The following KCNT2 variants were observed in gnomAD, a reference collection of about 807,000 sequenced individuals.
The protein encoded by KCNT2 is potassium channel subfamily T member 2.
In KCNT2, 67 loss-of-function variants were observed where a neutral mutation model predicts 153.8. The ratio of observed to expected loss-of-function variants is 0.44; its 90% CI spans 0.36 to 0.53. The LOEUF (loss-of-function observed/expected upper bound fraction) is 0.53. Among genes scored for constraint, KCNT2 ranks in the 20% least tolerant of loss-of-function variants. KCNT2 has a pLI of 0.00. For missense variants in KCNT2, 975 were observed against 1,354.8 expected (o/e 0.72, Z 4.40); for synonymous variants, 500 against 458.8 (o/e 1.09, Z -1.15).
At chr1:196,607,222 A>G (rs1392310071) in intron 1 of KCNT2, among the ~76,000 whole-genome samples, 1 of 152,214 alleles carries the variant, frequency 6.6e-6, no homozygotes, top group Non-Finnish European at 1.5e-5. Flanking sequence ...TTATATAACT[A>G]AAATAGCACA....
intron 14 of KCNT2, among the ~76,000 whole-genome samples, chr1:196,349,918 T>C (rs1666498743): frequency 6.6e-6 from 1 of 151,972 alleles, no homozygotes; most frequent in African/African-American, 2.4e-5. Context: ...CCATGTGTTC[T>C]CATTGTTAAA....
At chr1:196,282,905 C>T (rs1346871870) in intron 23 of KCNT2, among the ~76,000 whole-genome samples, 1 of 152,132 alleles carries the variant, frequency 6.6e-6, no homozygotes, top group Non-Finnish European at 1.5e-5. Context: ...AGTGCAGTGG[C>T]ATGATAGCGG....
chr1:196,326,552 G>T (rs1663878307), intron 19 of KCNT2, among the ~76,000 whole-genome samples, 165 bp downstream of exon 19: 1 of 151,954 alleles, frequency 6.6e-6, no homozygotes, highest in Admixed American at 6.6e-5. Flanking sequence ...CATATTCAAT[G>T]ATATATTTTG....
chr1:196,558,531 A>G lies in KCNT2; in HGVS notation c.95+49684T>C, dbSNP rs959695394. Among the ~76,000 whole-genome samples, 8 of 151,532 alleles carry G rather than the reference A, an allele frequency of 5.3e-5. No homozygotes were observed. The East Asian group carries it at 1.6e-3, about 30-fold the overall frequency. On this transcript the variant is annotated intron_variant, in intron 1 of 27. Transcript: ENST00000294725. ...TCACAACCAGTGCAACAAGGCAATT[A>G]TTATGTAATTTACAAGAATGTCTAG...
chr1:196,432,300 G>A (rs148507665), intron 8 of KCNT2, among the ~76,000 whole-genome samples: 81 of 152,108 alleles, frequency 5.3e-4, no homozygotes, highest in Non-Finnish European at 1.0e-3. Flanking sequence ...AACTACCACC[G>A]GGGTATGGCA....
intron 12 of KCNT2, among the ~76,000 whole-genome samples, chr1:196,406,142 C>G (rs905647641): frequency 2.0e-5 from 3 of 151,330 alleles, no homozygotes; most frequent in Non-Finnish European, 3.0e-5. Context: ...AATATGTAGA[C>G]TGTTAAAAAG....
chr1:196,563,151 T>G (rs1245281085), intron 1 of KCNT2, among the ~76,000 whole-genome samples: 1 of 152,042 alleles, frequency 6.6e-6, no homozygotes, highest in African/African-American at 2.4e-5. Context: ...CCTTGCCAGT[T>G]GCCAGGAGAG....
intron 25 of KCNT2, among the ~76,000 whole-genome samples, chr1:196,270,731 G>GTGTGTA (rs1393098787): frequency 6.6e-6 from 1 of 151,998 alleles, no homozygotes; most frequent in Non-Finnish European, 1.5e-5. Context: ...ATATGAGTGT[G>GTGTGTA]TGTGTATGTG....
At chr1:196,545,575 A>G (rs1471071848) in intron 1 of KCNT2, among the ~76,000 whole-genome samples, 2 of 152,010 alleles carry the variant, frequency 1.3e-5, no homozygotes, top group African/African-American at 2.4e-5. Context: ...TATATAGCAT[A>G]CAATTTACCT....
At chr1:196,293,882 C>CA in intron 22 of KCNT2, among the ~76,000 whole-genome samples, 1 of 129,850 alleles carries the variant, frequency 7.7e-6, no homozygotes, top group South Asian at 2.3e-4. Flanking sequence ...AACAAAAAAA[C>CA]AAAAAACAAA....
At chr1:196,487,474 G>T (rs545193838) in intron 3 of KCNT2, among the ~76,000 whole-genome samples, 2 of 151,266 alleles carry the variant, frequency 1.3e-5, no homozygotes, top group Non-Finnish European at 3.0e-5. Context: ...GTTTGTGTAT[G>T]TGAATCATTA....
At chr1:196,478,358 T>C (rs551006924) in intron 5 of KCNT2, among the ~76,000 whole-genome samples, 1 of 152,342 alleles carries the variant, frequency 6.6e-6, no homozygotes, top group East Asian at 1.9e-4. Flanking sequence ...AAACTGAATT[T>C]CAATTACAGA....
intron 1 of KCNT2, among the ~76,000 whole-genome samples, chr1:196,590,848 G>A (rs544820591): frequency 9.9e-5 from 15 of 152,200 alleles, no homozygotes; most frequent in East Asian, 3.9e-4. Context: ...ATCTCAGGCC[G>A]AGTGCAGTGG....
intron 20 of KCNT2, chr1:196,317,350 C>T: frequency 5.3e-6 from 2 of 378,794 alleles, no homozygotes; most frequent in Non-Finnish European, 1.1e-5. Context: ...ACTATGATGA[C>T]CTTCAAGTTT....
At chr1:196,448,707 T>C (rs1395654851) in intron 8 of KCNT2, among the ~76,000 whole-genome samples, 1 of 151,744 alleles carries the variant, frequency 6.6e-6, no homozygotes, top group Admixed American at 6.6e-5. Flanking sequence ...CTTTCTCCGT[T>C]TGACAAATGA....
intron 14 of KCNT2, among the ~76,000 whole-genome samples, chr1:196,357,005 T>G (rs1408515333): frequency 6.6e-6 from 1 of 151,968 alleles, no homozygotes; most frequent in Non-Finnish European, 1.5e-5. Context: ...TATGTTTCAC[T>G]AACTATAGAC....
At chr1:196,423,330 A>T (rs1673373040) in intron 11 of KCNT2, among the ~76,000 whole-genome samples, 2 of 151,898 alleles carry the variant, frequency 1.3e-5, no homozygotes, top group African/African-American at 4.8e-5. Context: ...ATTATAACTT[A>T]ATGTTTTATG....
chr1:196,477,423 A>G lies in KCNT2; in HGVS notation c.384+1756T>C, dbSNP rs542141308. 2.0e-5 allele frequency among the ~76,000 whole-genome samples: 3 copies of G among 152,078 alleles called. No individual in the cohort carries two copies. The East Asian group carries it at 5.8e-4, about 29-fold the overall frequency. The stretch of plus-strand genomic sequence containing the variant: ...CAACATGGCAAAATCCTGTCTCTAC[A>G]AAAAAATACAAAAAAAATTAGCCAG... On this transcript the variant is annotated intron_variant, in intron 5 of 27. Transcript: ENST00000294725.
At chr1:196,501,985 G>A (rs973075787) in intron 1 of KCNT2, among the ~76,000 whole-genome samples, 10 of 152,170 alleles carry the variant, frequency 6.6e-5, no homozygotes, top group East Asian at 1.9e-4. Context: ...GGGGCATGGC[G>A]GCGGGTGCCT....
Sources: gnomAD v4.1 joint callset for allele counts (sites outside exome capture counted in the v4.1 genomes callset) on GRCh38, gnomAD v4.1.1 for gene constraint, MANE v1.5 for transcripts, NCBI Gene and HGNC (gene_info 2026-07-23, HGNC 2026-07-21) for gene names.